TP53BP1: variants seen among roughly 807,000 people sequenced by gnomAD.
TP53BP1 encodes tumor protein p53 binding protein 1.
In TP53BP1, 61 loss-of-function variants were observed where a neutral mutation model predicts 200.8. That is an observed-to-expected ratio of 0.30 (90% CI 0.25 to 0.38). TP53BP1 has a LOEUF of 0.38. Among genes scored for constraint, TP53BP1 ranks in the 10% least tolerant of loss-of-function variants. The pLI, the probability that TP53BP1 is intolerant of heterozygous loss-of-function variation, is 1.00. For missense variants in TP53BP1, 2,144 were observed against 2,371.9 expected (o/e 0.90, Z 2.00); for synonymous variants, 822 against 844.3 (o/e 0.97, Z 0.46).
Position 43,456,292 on chromosome 15 carries a change from T to C in TP53BP1, c.2316A>G (p.Arg772=). The change falls in exon 12 of 28, where the codon AGA becomes AGG. Residue 772 remains arginine (R), a synonymous_variant. Transcript: ENST00000382044. ...VIVDVKEPSP[R]VDVSCEPLEG... ...CCAAAGGTTCACAAGAAACATCAAC[T>C]CTGGGAGATGGCTCTTTCACATCTA... The C allele has an allele frequency of 1.2e-6, 2 of 1,614,124 alleles. No homozygotes were observed. Among genetic ancestry groups the C allele is most frequent in the Non-Finnish European group, 1.7e-6 (2 of 1,180,038 alleles).
At position 43,403,770 on chromosome 15, in the gene TP53BP1, G is replaced by C; in HGVS notation, c.*3613C>G. The C allele has an allele frequency of 6.2e-7, 1 of 1,613,918 alleles. No individual in the cohort carries two copies. Among genetic ancestry groups the C allele is most frequent in the East Asian group, 2.2e-5 (1 of 44,884 alleles). On this transcript the variant is annotated 3_prime_UTR_variant, in exon 28 of 28. Transcript: ENST00000382044. Reference sequence around the variant, plus strand: ...GAACCTAGGCCCACTGGATGAGCGTGGAGCCGCCCAGCTGAGCATTCTCGT... The same window carrying C: ...GAACCTAGGCCCACTGGATGAGCGTCGAGCCGCCCAGCTGAGCATTCTCGT...
chr15:43,466,725 T>TG (rs1310774636), intron 11 of TP53BP1, among the ~76,000 whole-genome samples: 1 of 152,108 alleles, frequency 6.6e-6, no homozygotes, highest in East Asian at 1.9e-4. Flanking sequence ...GGTGTGATAG[T>TG]GTGTGCCACT....
chr15:43,430,610 C>T (rs2045646278), intron 17 of TP53BP1, among the ~76,000 whole-genome samples: 1 of 152,122 alleles, frequency 6.6e-6, no homozygotes, highest in South Asian at 2.1e-4. Context: ...TCTACCACAG[C>T]AACTGAAAAA....
At chr15:43,426,272 T>G (rs1204984565) in intron 18 of TP53BP1, among the ~76,000 whole-genome samples, 1 of 150,686 alleles carries the variant, frequency 6.6e-6, no homozygotes, top group African/African-American at 2.4e-5. Context: ...AAATCCCATC[T>G]CTACTACAAA....
intron 16 of TP53BP1, among the ~76,000 whole-genome samples, chr15:43,433,968 T>C (rs187961372): frequency 1.3e-5 from 2 of 152,292 alleles, no homozygotes; most frequent in Admixed American, 6.5e-5. Flanking sequence ...GCTCTAGATC[T>C]TGAAGGAAAA....
intron 24 of TP53BP1, among the ~76,000 whole-genome samples, chr15:43,410,099 G>A (rs1183903819): frequency 6.6e-6 from 1 of 152,144 alleles, no homozygotes; most frequent in Non-Finnish European, 1.5e-5. Flanking sequence ...TTCCCTTTGT[G>A]TCTATCCTAA....
chr15:43,438,423 C>T lies in TP53BP1; in HGVS notation c.3099-7G>A, dbSNP rs775098489. On this transcript the variant is annotated splice_region_variant and splice_polypyrimidine_tract_variant and intron_variant, in intron 15 of 27. Coordinates refer to ENST00000382044, the MANE Select transcript of TP53BP1 (RefSeq NM_001141980.3). ...AGACATGGTCTTCTGGGGACTAAGA[C>T]AATATATTAAAGCAATATATTGTTA... 4.4e-6 allele frequency: 7 copies of T among 1,605,640 alleles called. No homozygotes were observed. Among genetic ancestry groups the T allele is most frequent in the Non-Finnish European group, 6.0e-6 (7 of 1,175,308 alleles).
intron 14 of TP53BP1, among the ~76,000 whole-genome samples, chr15:43,443,814 T>C (rs2045983578): frequency 6.6e-6 from 1 of 152,238 alleles, no homozygotes; most frequent in African/African-American, 2.4e-5. Flanking sequence ...TTTCAAGGGA[T>C]TAAAATTTGT....
In TP53BP1 at chr15:43,441,529, G is replaced by T; in HGVS notation, c.3095C>A (p.Ala1032Asp). 1 of 1,610,790 alleles carries T rather than the reference G, an allele frequency of 6.2e-7. No individual in the cohort carries two copies. Among genetic ancestry groups the T allele is most frequent in the Non-Finnish European group, 8.5e-7 (1 of 1,177,132 alleles). The change falls in exon 15 of 28, where the codon GCC becomes GAC. Residue 1032 changes from alanine to aspartate, a missense_variant. Around this residue, in one of 4 missense-constraint regions of TP53BP1, gnomAD observed 1,700 missense variants for 1,710.3 expected, o/e 0.99. Transcript: ENST00000382044. ...NGSTAVAESV[A>D]SPQKTMSVLS... The stretch of plus-strand genomic sequence containing the variant: ...AATAGCATCCAGCTTTGGTTACCTG[G>T]CAACAGACTCAGCAACAGCAGTAGA...
In TP53BP1 at chr15:43,408,710, G is replaced by A. The variant is rs181549021; in HGVS notation, c.5600+187C>T. ...TACAAATCTTCACACATTTGCAAAAGGTTCCTAGCCAATGTAACCTAGGGA... is the reference window on the plus strand; with the variant it reads ...TACAAATCTTCACACATTTGCAAAAAGTTCCTAGCCAATGTAACCTAGGGA... On this transcript the variant is annotated intron_variant, in intron 26 of 27. Transcript: ENST00000382044. The A allele has an allele frequency of 1.2e-5, 7 of 600,140 alleles. No individual in the cohort carries two copies. In the African/African-American group the frequency reaches 1.3e-4, roughly 11 times the overall value. The allele number at this position is 600,140 out of a possible 1,614,324, so 37.2% of individuals were successfully genotyped here. A position where few individuals can be genotyped will look rare whatever the true frequency, so the allele number is the denominator to read the frequency against.
At chr15:43,421,284 T>C (rs1220334400) in intron 19 of TP53BP1, 110 bp from the exon 20 acceptor site, 23 of 1,189,460 alleles carry the variant, frequency 1.9e-5, no homozygotes, top group Admixed American at 4.5e-5. Flanking sequence ...TGCTGAGCCT[T>C]TGGGGCAGCA....
rs1460581727 is a variant in TP53BP1 at position 43,492,242 on chromosome 15, A to T, written c.192+42T>A. The T allele has an allele frequency of 3.8e-6, 6 of 1,578,224 alleles. No homozygotes were observed. The East Asian group carries it at 1.3e-4, about 35-fold the overall frequency. ...ATGTTTGCTGGTTTTCGGTTTAAAA[A>T]AAAAAATCTGCTCAATCTTCTTCAA... On this transcript the variant is annotated intron_variant, in intron 2 of 27. Coordinates refer to ENST00000382044, the MANE Select transcript of TP53BP1 (RefSeq NM_001141980.3).
intron 1 of TP53BP1, among the ~76,000 whole-genome samples, chr15:43,505,257 C>T (rs1278224122): frequency 6.6e-6 from 1 of 152,104 alleles, no homozygotes; most frequent in South Asian, 2.1e-4. Context: ...AAAAAAGATG[C>T]AAAATATAAT....
chr15:43,417,374 C>G (rs1265070610), intron 21 of TP53BP1, among the ~76,000 whole-genome samples: 2 of 152,210 alleles, frequency 1.3e-5, no homozygotes, highest in Non-Finnish European at 2.9e-5. Context: ...AGCCTTGGTT[C>G]TCTATCTATC....
At chr15:43,423,940 TC>T (rs2045466751) in intron 18 of TP53BP1, among the ~76,000 whole-genome samples, 2 of 152,164 alleles carry the variant, frequency 1.3e-5, no homozygotes, top group South Asian at 4.1e-4. Flanking sequence ...TCACATGCTT[TC>T]CCTGGTCAGT....
At position 43,420,205 on chromosome 15, in the gene TP53BP1, T is replaced by G. The variant is rs530022228; in HGVS notation, c.4681+100A>C. ...ATGAAATTTCTGACTTTAGAGACACTGGAAAAGTACCAAGTAATGTCTTGG... is the reference window on the plus strand; with the variant it reads ...ATGAAATTTCTGACTTTAGAGACACGGGAAAAGTACCAAGTAATGTCTTGG... On this transcript the variant is annotated intron_variant, in intron 21 of 27. Transcript: ENST00000382044. 13 of 1,199,100 alleles carry G rather than the reference T, an allele frequency of 1.1e-5. No individual in the cohort carries two copies. In the African/African-American group the frequency reaches 2.0e-4, roughly 18 times the overall value. The allele number at this position is 1,199,100 out of a possible 1,614,324, so 74.3% of individuals were successfully genotyped here.
intron 12 of TP53BP1, among the ~76,000 whole-genome samples, chr15:43,452,584 C>T (rs2245780): frequency 0.28 from 42,857 of 151,914 alleles, 10,237 homozygotes; most frequent in African/African-American, 0.65. Flanking sequence ...AAAAAAAAGA[C>T]AAAAAGCTAT....
At position 43,406,641 on chromosome 15, in the gene TP53BP1, C is replaced by G. The variant is rs2142918224; in HGVS notation, c.*742G>C. On this transcript the variant is annotated 3_prime_UTR_variant, in exon 28 of 28. Coordinates refer to ENST00000382044, the MANE Select transcript of TP53BP1 (RefSeq NM_001141980.3). Reference sequence around the variant, plus strand: ...ACCCCTGCTTTAGAGAATGAGAAGCCATGCAGGGATCAGTGATGCCAGAGG... The same window carrying G: ...ACCCCTGCTTTAGAGAATGAGAAGCGATGCAGGGATCAGTGATGCCAGAGG... 2.2e-6 allele frequency: 1 copy of G among 455,818 alleles called. No homozygotes were observed. Among genetic ancestry groups the G allele is most frequent in the African/African-American group, 2.0e-5 (1 of 50,160 alleles). 28.2% of individuals were successfully genotyped at this position (455,818 alleles called of 1,614,324 possible). A position where few individuals can be genotyped will look rare whatever the true frequency, so the allele number is the denominator to read the frequency against.
chr15:43,508,267 G>A (rs1460432134), intron 1 of TP53BP1, among the ~76,000 whole-genome samples: 1 of 152,170 alleles, frequency 6.6e-6, no homozygotes, highest in African/African-American at 2.4e-5. Flanking sequence ...GGCTAAGGCA[G>A]AAGAATCGCT....
Sources: gnomAD v4.1 joint callset for allele counts (sites outside exome capture counted in the v4.1 genomes callset) on GRCh38, gnomAD v4.1.1 for gene constraint, gnomAD v4.1.1 regional missense constraint, MANE v1.5 for transcripts, NCBI Gene and HGNC (gene_info 2026-07-23, HGNC 2026-07-21) for gene names.